The following UGDH variants were observed in gnomAD, a reference collection of about 807,000 sequenced individuals.
The protein encoded by UGDH is UDP-Glc dehydrogenase.
In UGDH, 38 loss-of-function variants were observed where a neutral mutation model predicts 50.6. That is an observed-to-expected ratio of 0.75 (90% CI 0.58 to 0.98). The LOEUF is 0.98. Among genes scored for constraint, UGDH ranks in the 50% least tolerant of loss-of-function variants. The pLI, the probability that UGDH is intolerant of heterozygous loss-of-function variation, is 0.00. For synonymous variants in UGDH, 168 were observed against 199.9 expected (o/e 0.84, Z 1.35); for missense variants, 465 against 606.2 (o/e 0.77, Z 2.45).
chr4:39,510,928 A>C, intron 3 of UGDH, 67 bp from the exon 4 acceptor site: 1 of 1,516,798 alleles, frequency 6.6e-7, no homozygotes, highest in Non-Finnish European at 9.1e-7. Flanking sequence ...TATACCCTGA[A>C]CTACTGGTTA....
intron 1 of UGDH, chr4:39,526,939 C>T (rs1560271281): frequency 8.8e-7 from 1 of 1,141,644 alleles, no homozygotes. Context: ...AATGAGGTCC[C>T]CAACGAGAGA....
At chr4:39,500,689 C>T (rs1439282371) in intron 11 of UGDH, among the ~76,000 whole-genome samples, 6 of 140,468 alleles carry the variant, frequency 4.3e-5, no homozygotes, top group Admixed American at 7.6e-5. Context: ...TGGAGTCTTG[C>T]TCTATCGCCT....
intron 2 of UGDH, among the ~76,000 whole-genome samples, chr4:39,514,677 T>TTTTAG (rs1342908960): frequency 1.3e-5 from 2 of 148,694 alleles, no homozygotes; most frequent in African/African-American, 5.0e-5. Flanking sequence ...AGCCCATTTA[T>TTTTAG]TTTATTTTAT....
At chr4:39,502,523 G>A (rs1248662114) in intron 11 of UGDH, among the ~76,000 whole-genome samples, 1 of 151,988 alleles carries the variant, frequency 6.6e-6, no homozygotes, top group Non-Finnish European at 1.5e-5. Context: ...TGCTTGCTTG[G>A]GCACTACATT....
At chr4:39,505,871 G>T in intron 7 of UGDH, 123 bp from the exon 8 acceptor site, 1 of 1,019,828 alleles carries the variant, frequency 9.8e-7, no homozygotes, top group East Asian at 3.0e-5. Flanking sequence ...TTAACAAGAG[G>T]CAAAAATTAA....
intron 2 of UGDH, among the ~76,000 whole-genome samples, chr4:39,515,550 AG>A (rs1238879408): frequency 2.0e-5 from 3 of 152,034 alleles, no homozygotes; most frequent in African/African-American, 7.2e-5. Context: ...AAGAATATGG[AG>A]GGGTATAAAA....
rs947588957 is a variant in UGDH, at chr4:39,521,436, A to T, written c.77T>A (p.Met26Lys). 5 of 1,613,410 alleles carry T rather than the reference A, an allele frequency of 3.1e-6. No homozygotes were observed. Among genetic ancestry groups the T allele is most frequent in the Non-Finnish European group, 3.4e-6 (4 of 1,179,720 alleles). The change falls in exon 2 of 12, where the codon ATG becomes AAG. Residue 26 changes from methionine (M) to lysine (K), a missense_variant. Met to Lys is a moderately conservative substitution (Grantham distance 95, BLOSUM62 -1). Coordinates refer to ENST00000316423, the MANE Select transcript of UGDH (RefSeq NM_003359.4). ...AACCGTTACCCTGATTTCAGGACAC[A>T]TATGAGCAATGACACTACATGTGGG... ...GGPTCSVIAH[M>K]CPEIRVTVVD...
intron 1 of UGDH, among the ~76,000 whole-genome samples, chr4:39,522,723 A>G (rs1288726142): frequency 4.7e-5 from 7 of 149,568 alleles, no homozygotes; most frequent in Non-Finnish European, 1.0e-4. Context: ...ATTGATCTTT[A>G]GTGGTATAGA....
At chr4:39,500,990 A>G (rs1578259867) in intron 11 of UGDH, among the ~76,000 whole-genome samples, 2 of 140,430 alleles carry the variant, frequency 1.4e-5, no homozygotes, top group African/African-American at 5.4e-5. Context: ...TTTGAGATGG[A>G]GTCTTGCCCT....
At chr4:39,519,469 A>G (rs1299491299) in intron 2 of UGDH, among the ~76,000 whole-genome samples, 1 of 152,200 alleles carries the variant, frequency 6.6e-6, no homozygotes, top group African/African-American at 2.4e-5. Context: ...TATCAGCATT[A>G]TAGAACTCAC....
chr4:39,511,807 T>G (rs1167459714), intron 3 of UGDH, among the ~76,000 whole-genome samples: 1 of 151,270 alleles, frequency 6.6e-6, no homozygotes, highest in Non-Finnish European at 1.5e-5. Context: ...CTTCCTGGGT[T>G]CAAGCGATTC....
chr4:39,506,114 C>T lies in UGDH; in HGVS notation c.907-366G>A, dbSNP rs374487319. On this transcript the variant is annotated intron_variant, in intron 7 of 11. Transcript: ENST00000316423. ...GGCAAGGTGGCATGTGCCTGTAGTC[C>T]CAGCTACTTGGGAGGCTGAGGTGGG... Among the ~76,000 whole-genome samples the T allele has an allele frequency of 4.0e-5, 6 of 151,596 alleles. No individual in the cohort carries two copies. In the East Asian group the frequency reaches 1.2e-3, roughly 30 times the overall value.
chr4:39,501,276 A>T (rs1443001986), intron 11 of UGDH, among the ~76,000 whole-genome samples: 24 of 132,304 alleles, frequency 1.8e-4, no homozygotes, highest in South Asian at 4.9e-4. Flanking sequence ...AACAGCATAA[A>T]TTTTTTTTTT....
intron 6 of UGDH, among the ~76,000 whole-genome samples, chr4:39,509,364 C>T (rs1746142439): frequency 6.6e-6 from 1 of 152,054 alleles, no homozygotes; most frequent in Non-Finnish European, 1.5e-5. Context: ...TCTGAGGAGA[C>T]TATTAAACTG....
At chr4:39,527,201 C>A in intron 1 of UGDH, 82 bp downstream of exon 1, 1 of 1,122,992 alleles carries the variant, frequency 8.9e-7, no homozygotes, top group Non-Finnish European at 1.2e-6. Flanking sequence ...CGCGCACACC[C>A]CAGCCCCGCT....
At chr4:39,505,868 G>A in intron 7 of UGDH, 120 bp from the exon 8 acceptor site, 2 of 1,033,786 alleles carry the variant, frequency 1.9e-6, no homozygotes, top group South Asian at 3.6e-5. Context: ...ATATTAACAA[G>A]AGGCAAAAAT....
intron 3 of UGDH, among the ~76,000 whole-genome samples, chr4:39,511,366 T>C (rs1746239337): frequency 6.6e-6 from 1 of 151,888 alleles, no homozygotes; most frequent in Non-Finnish European, 1.5e-5. Context: ...GTTCAAGCGA[T>C]TCTCCTGCCT....
At chr4:39,514,989 T>G (rs1191216079) in intron 2 of UGDH, among the ~76,000 whole-genome samples, 1 of 151,984 alleles carries the variant, frequency 6.6e-6, no homozygotes, top group Non-Finnish European at 1.5e-5. Context: ...GCCTATTTTA[T>G]TTTTTCATAC....
At chr4:39,521,640 T>C (rs1308724501) in intron 1 of UGDH, 121 bp from the exon 2 acceptor site, 3 of 804,806 alleles carry the variant, frequency 3.7e-6, no homozygotes, top group Non-Finnish European at 5.3e-6. Context: ...AAAGATTTCC[T>C]ACATTCGCTC....
Sources: allele counts gnomAD v4.1 joint callset (sites outside exome capture counted in the v4.1 genomes callset), GRCh38; gene constraint gnomAD v4.1.1; transcripts MANE v1.5; gene names NCBI Gene and HGNC (gene_info 2026-07-23, HGNC 2026-07-21).